MTMR7: variants seen among roughly 807,000 people sequenced by gnomAD.
MTMR7 encodes the protein phosphatidylinositol-3-phosphate phosphatase MTMR7.
MTMR7 carries 76 observed loss-of-function variants against 81.2 expected under a neutral mutation model. The ratio of observed to expected loss-of-function variants is 0.94; its 90% CI spans 0.78 to 1.13. The LOEUF (loss-of-function observed/expected upper bound fraction) is 1.13. Among genes scored for constraint, MTMR7 ranks in the 50% most tolerant of loss-of-function variants. MTMR7 has a pLI of 0.00. For missense variants in MTMR7, 1,044 were observed against 820.0 expected (o/e 1.27, Z -3.34); for synonymous variants, 372 against 289.8 (o/e 1.28, Z -2.88).
intron 1 of MTMR7, among the ~76,000 whole-genome samples, chr8:17,391,102 A>C (rs1175816456): frequency 2.6e-5 from 4 of 152,206 alleles, no homozygotes; most frequent in Non-Finnish European, 5.9e-5. Context: ...CCTGGGCAGG[A>C]ACAGGTAGAT....
At chr8:17,346,446 A>T (rs1187779598) in intron 5 of MTMR7, among the ~76,000 whole-genome samples, 2 of 152,122 alleles carry the variant, frequency 1.3e-5, no homozygotes, top group Non-Finnish European at 2.9e-5. Flanking sequence ...CTTAAGCTCT[A>T]ACTATGCTGT....
chr8:17,394,413 A>C (rs1383083970), intron 1 of MTMR7, among the ~76,000 whole-genome samples: 1 of 152,096 alleles, frequency 6.6e-6, no homozygotes, highest in Non-Finnish European at 1.5e-5. Flanking sequence ...GAACCTTGAA[A>C]ATCTTAAGTT....
intron 4 of MTMR7, among the ~76,000 whole-genome samples, chr8:17,360,052 T>C (rs1820013603): frequency 1.3e-5 from 2 of 152,192 alleles, no homozygotes; most frequent in South Asian, 2.1e-4. Flanking sequence ...GTCTAAAAAT[T>C]AGAGAGCAGG....
At chr8:17,319,928 A>G (rs1818294476) in intron 7 of MTMR7, among the ~76,000 whole-genome samples, 1 of 152,168 alleles carries the variant, frequency 6.6e-6, no homozygotes, top group South Asian at 2.1e-4. Context: ...CACTAGTCAC[A>G]TGTGGCTACG....
At chr8:17,366,317 A>G (rs11990847) in intron 3 of MTMR7, among the ~76,000 whole-genome samples, 48,591 of 152,062 alleles carry the variant, frequency 0.32, 9,770 homozygotes, top group African/African-American at 0.56. Context: ...TAAAAACAGA[A>G]TATTTAGGAT....
rs111589541 is a variant in MTMR7 at position 17,406,691 on chromosome 8, A to T, written c.24+6578T>A. ...ACATACGTCCACACAAAAACTTATC[A>T]CCGAAGTTTATAGCAGCATTATTCA... On this transcript the variant is annotated intron_variant, in intron 1 of 13. Coordinates refer to ENST00000180173, the MANE Select transcript of MTMR7 (RefSeq NM_004686.5). 7.7e-3 allele frequency among the ~76,000 whole-genome samples: 1,175 copies of T among 152,264 alleles called. 22 individuals are homozygous for T. Among genetic ancestry groups the T allele is most frequent in the African/African-American group, 0.027 (1,105 of 41,550 alleles).
chr8:17,390,094 C>G (rs1356020034), intron 1 of MTMR7, among the ~76,000 whole-genome samples: 2 of 151,540 alleles, frequency 1.3e-5, no homozygotes, highest in Non-Finnish European at 2.9e-5. Context: ...AAAAAGAAAT[C>G]CCTCATGTAT....
chr8:17,410,276 A>G lies in MTMR7; in HGVS notation c.24+2993T>C, dbSNP rs541556373. ...CATAACTCAAATTTACACATGTGGGAAAAATGCCTTCCAGAAAGACCAAAG... is the reference window on the plus strand; with the variant it reads ...CATAACTCAAATTTACACATGTGGGGAAAATGCCTTCCAGAAAGACCAAAG... On this transcript the variant is annotated intron_variant, in intron 1 of 13. Transcript: ENST00000180173. Among the ~76,000 whole-genome samples the G allele has an allele frequency of 2.0e-5, 3 of 152,288 alleles. No homozygotes were observed. In the South Asian group the frequency reaches 6.2e-4, roughly 32 times the overall value.
In MTMR7 at chr8:17,299,863, C is replaced by A; in HGVS notation, c.1982G>T (p.Ter661LeuextTer35). Residue 661 changes from the stop codon to leucine (L), a stop_lost, in exon 14 of 14, where the codon TGA becomes TTA. Coordinates refer to ENST00000180173, the MANE Select transcript of MTMR7 (RefSeq NM_004686.5). ...DSDEAVFLTA* is the reference protein window; with the variant it reads ...DSDEAVFLTAL The stretch of plus-strand genomic sequence containing the variant: ...ACTTTGGAACTCCAAAGGGAAACTT[C>A]AGGCAGTGAGAAACACGGCTTCATC... 1 of 1,613,786 alleles carries A rather than the reference C, an allele frequency of 6.2e-7. No individual in the cohort carries two copies.
intron 7 of MTMR7, among the ~76,000 whole-genome samples, chr8:17,314,101 C>T (rs958011589): frequency 1.3e-5 from 2 of 152,072 alleles, no homozygotes; most frequent in African/African-American, 4.8e-5. Flanking sequence ...TATTATAAAC[C>T]ACCAACTTTC....
intron 1 of MTMR7, among the ~76,000 whole-genome samples, chr8:17,396,891 G>T (rs895353849): frequency 2.6e-5 from 4 of 151,852 alleles, no homozygotes; most frequent in African/African-American, 9.7e-5. Context: ...GCTACAAAAG[G>T]ATCAGATACC....
chr8:17,349,071 G>T lies in MTMR7; in HGVS notation c.479C>A (p.Ser160Tyr), dbSNP rs1451294186. The change falls in exon 5 of 14, where the codon TCT (serine) becomes TAT (tyrosine). Residue 160 changes from serine (S) to tyrosine (Y), a missense_variant. Ser to Tyr is a moderately radical substitution (Grantham distance 144). Coordinates refer to ENST00000180173, the MANE Select transcript of MTMR7 (RefSeq NM_004686.5). ...GGGAACGTACAGTTCAGTAGGATAA[G>T]AGTCACAGACCTGTCACCAGAAAAT... ...DVNRDYRVCD[S>Y]YPTELYVPKS... The T allele has an allele frequency of 6.2e-7, 1 of 1,611,900 alleles. No homozygotes were observed. Among genetic ancestry groups the T allele is most frequent in the Non-Finnish European group, 8.5e-7 (1 of 1,179,684 alleles).
chr8:17,342,928 T>C (rs1563347538), intron 5 of MTMR7, among the ~76,000 whole-genome samples: 1 of 151,304 alleles, frequency 6.6e-6, no homozygotes, highest in African/African-American at 2.4e-5. Context: ...CAAGGGGAAG[T>C]GAAGATGGGG....
intron 1 of MTMR7, among the ~76,000 whole-genome samples, chr8:17,380,221 C>A (rs1020818885): frequency 1.3e-5 from 2 of 152,108 alleles, no homozygotes; most frequent in South Asian, 2.1e-4. Flanking sequence ...ATGAATCAGG[C>A]CAACCCCAGT....
chr8:17,377,462 G>A (rs1468987230), intron 1 of MTMR7, among the ~76,000 whole-genome samples: 2 of 151,936 alleles, frequency 1.3e-5, no homozygotes, highest in Non-Finnish European at 2.9e-5. Context: ...GACAGGCAAA[G>A]GTTTTTCTTT....
chr8:17,309,874 G>A (rs765220706), intron 9 of MTMR7, among the ~76,000 whole-genome samples: 3 of 152,194 alleles, frequency 2.0e-5, no homozygotes, highest in Non-Finnish European at 4.4e-5. Flanking sequence ...AAATGATGGT[G>A]TTTGGGGTAT....
rs754175709 is a variant in MTMR7 at position 17,413,279 on chromosome 8, C to G, written c.14G>C (p.Arg5Pro). The G allele has an allele frequency of 3.6e-5, 56 of 1,546,878 alleles. 1 individual carries two copies. The highest frequency in any genetic ancestry group is 3.4e-4 in the Middle Eastern group (2 of 5,962). Residue 5 changes from arginine to proline, a missense_variant, in exon 1 of 14, where the codon CGT becomes CCT. Arg to Pro is a moderately radical substitution (Grantham distance 103). Coordinates refer to ENST00000180173, the MANE Select transcript of MTMR7 (RefSeq NM_004686.5). ...GCTGGTGTCACCAACCTTGGGCGTA[C>G]GGATGTGCTCCATGGCTGGCCCACG... is the stretch of plus-strand genomic sequence containing the variant. MEHI[R>P]TPKVENVRLV...
At chr8:17,328,479 C>T (rs1818811846) in intron 7 of MTMR7, among the ~76,000 whole-genome samples, 1 of 151,946 alleles carries the variant, frequency 6.6e-6, no homozygotes. Context: ...GAAAACCAAG[C>T]ACCACATGTT....
chr8:17,309,171 A>T (rs1483477219), intron 10 of MTMR7, 106 bp downstream of exon 10: 4 of 751,252 alleles, frequency 5.3e-6, no homozygotes, highest in Non-Finnish European at 9.1e-6. Context: ...TGAATAAGAG[A>T]CACAAACTCA....
Sources: gnomAD v4.1 joint callset for allele counts (sites outside exome capture counted in the v4.1 genomes callset) on GRCh38, gnomAD v4.1.1 for gene constraint, MANE v1.5 for transcripts, NCBI Gene and HGNC (gene_info 2026-07-23, HGNC 2026-07-21) for gene names.